The following RSPO2 variants were observed in gnomAD, a reference collection of about 807,000 sequenced individuals.
The protein encoded by RSPO2 is R-spondin 2, also known as R-spondin-2.
RSPO2 carries 14 observed loss-of-function variants against 30.9 expected under a neutral mutation model. The ratio of observed to expected loss-of-function variants is 0.45; its 90% CI spans 0.30 to 0.71. The LOEUF (loss-of-function observed/expected upper bound fraction) is 0.71. Among genes scored for constraint, RSPO2 ranks in the 30% least tolerant of loss-of-function variants. The pLI, the probability that RSPO2 is intolerant of heterozygous loss-of-function variation, is 0.08. For synonymous variants in RSPO2, 107 were observed against 96.4 expected (o/e 1.11, Z -0.64); for missense variants, 264 against 301.9 (o/e 0.87, Z 0.93).
At chr8:108,081,703 T>G (rs1373002789) in intron 2 of RSPO2, among the ~76,000 whole-genome samples, 1 of 152,026 alleles carries the variant, frequency 6.6e-6, no homozygotes, top group African/African-American at 2.4e-5. Context: ...GAAACCTTTC[T>G]GGAGGCTTCC....
At chr8:107,927,023 C>G (rs559572064) in intron 5 of RSPO2, among the ~76,000 whole-genome samples, 1 of 152,138 alleles carries the variant, frequency 6.6e-6, no homozygotes, top group Non-Finnish European at 1.5e-5. Context: ...TCTTCCTATC[C>G]ATGAGCATGG....
At chr8:107,937,249 TCTC>T (rs60716907) in intron 5 of RSPO2, among the ~76,000 whole-genome samples, 16,939 of 151,610 alleles carry the variant, frequency 0.11, 1,010 homozygotes, top group East Asian at 0.2. Context: ...TTGAAGAGGC[TCTC>T]CTCTCCCCAG....
At chr8:107,909,581 T>C (rs910228556) in intron 5 of RSPO2, among the ~76,000 whole-genome samples, 26 of 152,048 alleles carry the variant, frequency 1.7e-4, no homozygotes, top group African/African-American at 5.8e-4. Context: ...TAAATACGGA[T>C]AGTCATTTTT....
At chr8:108,045,859 A>T (rs922047931) in intron 2 of RSPO2, among the ~76,000 whole-genome samples, 1 of 152,186 alleles carries the variant, frequency 6.6e-6, no homozygotes, top group Admixed American at 6.5e-5. Context: ...ACACTCCGGA[A>T]TATATCTCCA....
chr8:107,993,569 T>C (rs933551062), intron 2 of RSPO2, among the ~76,000 whole-genome samples: 1 of 152,114 alleles, frequency 6.6e-6, no homozygotes, highest in Admixed American at 6.6e-5. Context: ...CCTTTGAGGA[T>C]TGAGGACTGA....
chr8:107,964,351 T>A (rs1160452618), intron 3 of RSPO2, among the ~76,000 whole-genome samples: 1 of 152,246 alleles, frequency 6.6e-6, no homozygotes, highest in Non-Finnish European at 1.5e-5. Flanking sequence ...CAAGTGATTC[T>A]CCTGCCTCAG....
intron 2 of RSPO2, among the ~76,000 whole-genome samples, chr8:107,999,220 T>C (rs1011856452): frequency 9.2e-5 from 14 of 152,228 alleles, no homozygotes; most frequent in African/African-American, 3.1e-4. Flanking sequence ...TAATAAATCA[T>C]ATCAATTAGG....
At chr8:107,928,593 G>A (rs1369072174) in intron 5 of RSPO2, among the ~76,000 whole-genome samples, 1 of 152,162 alleles carries the variant, frequency 6.6e-6, no homozygotes, top group African/African-American at 2.4e-5. Flanking sequence ...AGTTCCTAAA[G>A]TGGATGCTTT....
At chr8:107,903,053 C>A (rs1473512127) in intron 5 of RSPO2, among the ~76,000 whole-genome samples, 1 of 151,780 alleles carries the variant, frequency 6.6e-6, no homozygotes, top group Non-Finnish European at 1.5e-5. Flanking sequence ...CAAAGGAGGG[C>A]AGAAAAATGA....
At chr8:107,990,336 T>C (rs1222895322) in intron 2 of RSPO2, among the ~76,000 whole-genome samples, 1 of 152,154 alleles carries the variant, frequency 6.6e-6, no homozygotes, top group African/African-American at 2.4e-5. Context: ...CACCTTAAAA[T>C]GAGACGCAAC....
At chr8:107,967,377 G>A (rs1563543059) in intron 3 of RSPO2, among the ~76,000 whole-genome samples, 1 of 152,116 alleles carries the variant, frequency 6.6e-6, no homozygotes, top group African/African-American at 2.4e-5. Flanking sequence ...TAAGCTTTAT[G>A]TTATCAAAAT....
chr8:107,941,637 C>G (rs978329918), intron 5 of RSPO2, among the ~76,000 whole-genome samples: 4 of 152,134 alleles, frequency 2.6e-5, no homozygotes, highest in African/African-American at 9.6e-5. Flanking sequence ...ACCACTCTGA[C>G]CATGAATAAA....
At chr8:108,027,364 A>G (rs532484503) in intron 2 of RSPO2, among the ~76,000 whole-genome samples, 1 of 152,220 alleles carries the variant, frequency 6.6e-6, no homozygotes, top group Non-Finnish European at 1.5e-5. Flanking sequence ...CTCTTAGTTC[A>G]GTGCCAATAA....
At chr8:108,029,054 CTTTTTTTTTTTTTTTTTT>C (rs71308771) in intron 2 of RSPO2, among the ~76,000 whole-genome samples, 152 of 26,186 alleles carry the variant, frequency 5.8e-3, no homozygotes, top group Middle Eastern at 0.025. Flanking sequence ...TAACATGAGT[CTTTTTTTTTTTTTTTTTT>C]TTTTTTTTTT....
At chr8:107,996,168 A>G (rs776864270) in intron 2 of RSPO2, among the ~76,000 whole-genome samples, 7 of 152,158 alleles carry the variant, frequency 4.6e-5, no homozygotes, top group Non-Finnish European at 1.0e-4. Flanking sequence ...GAATACTGAC[A>G]GGCTGTGTGA....
intron 5 of RSPO2, among the ~76,000 whole-genome samples, chr8:107,907,240 G>A (rs2130257911): frequency 6.6e-6 from 1 of 152,072 alleles, no homozygotes; most frequent in Admixed American, 6.5e-5. Context: ...TTTACTGACA[G>A]CACAAAGTGT....
intron 2 of RSPO2, among the ~76,000 whole-genome samples, chr8:107,994,537 G>GA (rs1163976141): frequency 4.6e-5 from 7 of 151,974 alleles, no homozygotes; most frequent in Non-Finnish European, 1.0e-4. Context: ...TACCTTAAAA[G>GA]AAAAGACACA....
intron 5 of RSPO2, among the ~76,000 whole-genome samples, chr8:107,913,387 T>G (rs1307214449): frequency 6.6e-6 from 1 of 152,216 alleles, no homozygotes; most frequent in Non-Finnish European, 1.5e-5. Context: ...ATTATTGGTT[T>G]GATACAAGAC....
rs1261583865 is a variant in RSPO2, at chr8:107,901,064, G to C, written c.*11C>G. On this transcript the variant is annotated 3_prime_UTR_variant, in exon 6 of 6. Coordinates refer to ENST00000276659, the MANE Select transcript of RSPO2 (RefSeq NM_178565.5). ...AACAAAAACCCCTAAAAATCTACCGGATCTCTTGTTTTATTGGTTAGCTCT... is the reference window on the plus strand; with the variant it reads ...AACAAAAACCCCTAAAAATCTACCGCATCTCTTGTTTTATTGGTTAGCTCT... The C allele has an allele frequency of 1.4e-5, 22 of 1,610,618 alleles. No individual in the cohort carries two copies. The highest frequency in any genetic ancestry group is 1.8e-5 in the Non-Finnish European group (21 of 1,179,234).
Sources: allele counts gnomAD v4.1 joint callset (sites outside exome capture counted in the v4.1 genomes callset), GRCh38; gene constraint gnomAD v4.1.1; transcripts MANE v1.5; gene names NCBI Gene and HGNC (gene_info 2026-07-23, HGNC 2026-07-21).